EPHA6: variants seen among roughly 807,000 people sequenced by gnomAD.
EPHA6 encodes EPH receptor A6.
A neutral mutation model predicts 112.0 loss-of-function variants in EPHA6; 50 were observed. The ratio of observed to expected loss-of-function variants is 0.45; its 90% CI spans 0.36 to 0.56. EPHA6 has a LOEUF of 0.56. Among genes scored for constraint, EPHA6 ranks in the 20% least tolerant of loss-of-function variants. The probability of loss-of-function intolerance (pLI) is 0.00; values close to 1 mark genes in which losing one functional copy is unlikely to be tolerated. For missense variants in EPHA6, 1,280 were observed against 1,417.4 expected, an observed-to-expected ratio of 0.90 and a Z score of 1.56; for synonymous variants, 529 against 490.7, an observed-to-expected ratio of 1.08 and a Z score of -1.03.
intron 2 of EPHA6, among the ~76,000 whole-genome samples, chr3:96,947,445 C>T (rs2041326360): frequency 6.6e-6 from 1 of 152,088 alleles, no homozygotes; most frequent in Non-Finnish European, 1.5e-5. Context: ...GGAATCCTTT[C>T]CCCATTTCTT....
At chr3:96,931,066 T>G (rs1210606835) in intron 2 of EPHA6, among the ~76,000 whole-genome samples, 1 of 149,782 alleles carries the variant, frequency 6.7e-6, no homozygotes, top group Non-Finnish European at 1.5e-5. Context: ...TGTGCCATTT[T>G]GGGGATCCCT....
At chr3:97,152,831 G>C (rs2076201624) in intron 3 of EPHA6, among the ~76,000 whole-genome samples, 1 of 152,010 alleles carries the variant, frequency 6.6e-6, no homozygotes, top group South Asian at 2.1e-4. Context: ...GGAATTCTAG[G>C]ATTGATAATT....
intron 1 of EPHA6, among the ~76,000 whole-genome samples, chr3:96,853,844 A>T (rs1030113331): frequency 1.3e-5 from 2 of 151,916 alleles, no homozygotes; most frequent in Non-Finnish European, 2.9e-5. Context: ...ATACAAACGC[A>T]TGAAGTTGAT....
At chr3:97,136,320 G>A (rs1020693198) in intron 3 of EPHA6, among the ~76,000 whole-genome samples, 19 of 152,092 alleles carry the variant, frequency 1.2e-4, no homozygotes, top group Admixed American at 1.1e-3. Context: ...ATTTTAAAAA[G>A]CATGGTAGAG....
chr3:97,519,680 T>A (rs1577650432), intron 10 of EPHA6, among the ~76,000 whole-genome samples: 1 of 152,312 alleles, frequency 6.6e-6, no homozygotes, highest in South Asian at 2.1e-4. Context: ...ATTTTCCTCA[T>A]AGAGATCTTT....
At chr3:97,456,914 A>G (rs973318406) in intron 7 of EPHA6, among the ~76,000 whole-genome samples, 1 of 152,190 alleles carries the variant, frequency 6.6e-6, no homozygotes, top group African/African-American at 2.4e-5. Context: ...ATTTAGTGAA[A>G]AATATATTCT....
rs149503325 is a variant in EPHA6, at chr3:97,084,913, A to G, written c.1114+96920A>G. ...TAGTTATCTAAACATTCCAAAAAAT[A>G]CTTGTGAGTCAAGAATAATATTTTG... On this transcript the variant is annotated intron_variant, in intron 3 of 17. Transcript: ENST00000389672. 9.5e-3 allele frequency among the ~76,000 whole-genome samples: 1,450 copies of G among 152,270 alleles called. 28 individuals carry two copies. The highest frequency in any genetic ancestry group is 0.033 in the African/African-American group (1,361 of 41,580).
At chr3:97,477,906 A>G (rs1465974938) in intron 8 of EPHA6, among the ~76,000 whole-genome samples, 2 of 152,090 alleles carry the variant, frequency 1.3e-5, no homozygotes, top group Non-Finnish European at 2.9e-5. Context: ...TCATGTAACT[A>G]TACTGTGAAA....
At chr3:97,476,043 G>A (rs1397078118) in intron 8 of EPHA6, among the ~76,000 whole-genome samples, 1 of 151,958 alleles carries the variant, frequency 6.6e-6, no homozygotes, top group Non-Finnish European at 1.5e-5. Flanking sequence ...ATACAGGTTT[G>A]ATACAAAAGT....
intron 13 of EPHA6, among the ~76,000 whole-genome samples, chr3:97,613,605 C>T (rs1373007439): frequency 1.3e-5 from 2 of 151,958 alleles, no homozygotes; most frequent in African/African-American, 2.4e-5. Context: ...AGATATATAT[C>T]GGCAGAGGGG....
chr3:97,509,108 C>A (rs970364160), intron 10 of EPHA6, among the ~76,000 whole-genome samples: 3 of 144,542 alleles, frequency 2.1e-5, no homozygotes, highest in Non-Finnish European at 4.5e-5. Flanking sequence ...CTCCTGAATA[C>A]AGCACACTGA....
chr3:97,230,535 C>A (rs1472693115), intron 4 of EPHA6, among the ~76,000 whole-genome samples: 2 of 151,988 alleles, frequency 1.3e-5, no homozygotes, highest in African/African-American at 4.8e-5. Flanking sequence ...CATGGCTGGG[C>A]AGAATTTTAG....
chr3:97,470,626 A>G (rs911413728), intron 7 of EPHA6, among the ~76,000 whole-genome samples: 3 of 151,506 alleles, frequency 2.0e-5, no homozygotes, highest in Non-Finnish European at 4.4e-5. Context: ...AAGATATGAA[A>G]TCTCTTTTTT....
chr3:97,013,916 C>T (rs778730128), intron 3 of EPHA6, among the ~76,000 whole-genome samples: 1 of 152,044 alleles, frequency 6.6e-6, no homozygotes, highest in Non-Finnish European at 1.5e-5. Context: ...GCAAACTTAT[C>T]ATTATTGTAT....
At chr3:97,622,291 G>C (rs529350022) in intron 13 of EPHA6, among the ~76,000 whole-genome samples, 3 of 151,864 alleles carry the variant, frequency 2.0e-5, no homozygotes, top group African/African-American at 7.2e-5. Flanking sequence ...GCATTCCGCT[G>C]TCTGTCTCTA....
At chr3:97,100,911 A>G (rs2047384772) in intron 3 of EPHA6, among the ~76,000 whole-genome samples, 1 of 152,036 alleles carries the variant, frequency 6.6e-6, no homozygotes, top group Non-Finnish European at 1.5e-5. Flanking sequence ...ATAATCATAA[A>G]TGAGAATAAG....
intron 5 of EPHA6, chr3:97,244,811 G>A (rs2108583539): frequency 6.5e-6 from 1 of 153,870 alleles, no homozygotes; most frequent in African/African-American, 2.4e-5. Context: ...TGAAGTTTGT[G>A]AAAAGTAGTT....
intron 13 of EPHA6, among the ~76,000 whole-genome samples, chr3:97,628,089 T>C (rs2093873664): frequency 6.6e-6 from 1 of 151,966 alleles, no homozygotes; most frequent in Non-Finnish European, 1.5e-5. Flanking sequence ...GATCACTCTG[T>C]TTGCTGTATT....
At chr3:97,726,344 AT>A (rs1313503531) in intron 15 of EPHA6, among the ~76,000 whole-genome samples, 1 of 152,170 alleles carries the variant, frequency 6.6e-6, no homozygotes, top group Non-Finnish European at 1.5e-5. Context: ...ATCAAAGCAC[AT>A]TTAATTATGC....
Sources: allele counts gnomAD v4.1 joint callset (sites outside exome capture counted in the v4.1 genomes callset), GRCh38; gene constraint gnomAD v4.1.1; transcripts MANE v1.5; gene names NCBI Gene and HGNC (gene_info 2026-07-23, HGNC 2026-07-21).